The following GOLGA3 variants were observed in gnomAD, a reference collection of about 807,000 sequenced individuals.
GOLGA3 encodes golgin A3.
Under a neutral mutation model 169.4 loss-of-function variants are expected in GOLGA3, and 75 were observed. The ratio of observed to expected loss-of-function variants is 0.44; its 90% CI spans 0.37 to 0.54. The LOEUF (loss-of-function observed/expected upper bound fraction) is 0.54. GOLGA3 is among the 20% of genes least tolerant of loss of function. The pLI, the probability that GOLGA3 is intolerant of heterozygous loss-of-function variation, is 0.00. For synonymous variants in GOLGA3, 824 were observed against 822.4 expected (o/e 1.00, Z -0.03); for missense variants, 1,899 against 1,930.0 (o/e 0.98, Z 0.30).
rs776763544 is a variant in GOLGA3, at chr12:132,786,656, TGGCCCCCGCACCTCCCCCG to T, written c.2906+18_2906+36del. 3.0e-5 allele frequency: 17 copies of T among 564,690 alleles called. No homozygotes were observed. Among genetic ancestry groups the T allele is most frequent in the Middle Eastern group, 7.4e-4 (2 of 2,718 alleles). 35.0% of individuals were successfully genotyped at this position (564,690 alleles called of 1,614,324 possible). A position where few individuals can be genotyped will look rare whatever the true frequency, so the allele number is the denominator to read the frequency against. On this transcript the variant is annotated intron_variant, in intron 14 of 23. Transcript: ENST00000450791. ...CCCCCCGGCCCCCGCACCTCCCACCTGGCCCCCGCACCTCCCCCGGGCACATGCAGACTTACTTCCGGGC... is the reference window on the plus strand; with the variant it reads ...CCCCCCGGCCCCCGCACCTCCCACCTGGCACATGCAGACTTACTTCCGGGC...
chr12:132,773,012 C>T lies in GOLGA3; in HGVS notation c.*93G>A. 7 of 958,526 alleles carry T rather than the reference C, an allele frequency of 7.3e-6. No homozygotes were observed. Among genetic ancestry groups the T allele is most frequent in the Non-Finnish European group, 1.1e-5 (7 of 665,610 alleles). The allele number at this position is 958,526 out of a possible 1,614,324, so 59.4% of individuals were successfully genotyped here. A position where few individuals can be genotyped will look rare whatever the true frequency, so the allele number is the denominator to read the frequency against. ...TAAAGGCAAAACAAAACTTAAATTTCATGTCTTAGAAAAACATCGACCACA... is the reference window on the plus strand; with the variant it reads ...TAAAGGCAAAACAAAACTTAAATTTTATGTCTTAGAAAAACATCGACCACA... On this transcript the variant is annotated 3_prime_UTR_variant, in exon 24 of 24. Coordinates refer to ENST00000450791, the MANE Select transcript of GOLGA3 (RefSeq NM_001389683.1).
intron 7 of GOLGA3, among the ~76,000 whole-genome samples, chr12:132,803,056 AAAAAC>A (rs953503426): frequency 1.1e-4 from 16 of 142,938 alleles, no homozygotes; most frequent in Middle Eastern, 3.5e-3. Flanking sequence ...ACTCCGTCTC[AAAAAC>A]AAAACAAAAC....
chr12:132,826,277 TCACGGC>T lies in GOLGA3; in HGVS notation c.-184+2520_-184+2525del, dbSNP rs1406691171. 4.3e-5 allele frequency: 46 copies of T among 1,067,584 alleles called. 1 individual carries two copies. Among genetic ancestry groups the T allele is most frequent in the Middle Eastern group, 3.1e-4 (1 of 3,182 alleles). 66.1% of individuals were successfully genotyped at this position (1,067,584 alleles called of 1,614,324 possible). A position where few individuals can be genotyped will look rare whatever the true frequency, so the allele number is the denominator to read the frequency against. ...AAAAAAAGAAACTGGAAGAGCAGCA[TCACGGC>T]CACGGCCCAGACAGGCACCACCACC... is the stretch of plus-strand genomic sequence containing the variant. On this transcript the variant is annotated intron_variant, in intron 1 of 23. Coordinates refer to ENST00000450791, the MANE Select transcript of GOLGA3 (RefSeq NM_001389683.1).
In GOLGA3 at chr12:132,771,713, C is replaced by A. The variant is rs942956454; in HGVS notation, c.*1392G>T. ...GTACAGGTGCTCCTACACACGAGTA[C>A]AGGCGCTCCCACAGACAATGGTAAA... On this transcript the variant is annotated 3_prime_UTR_variant, in exon 24 of 24. Coordinates refer to ENST00000450791, the MANE Select transcript of GOLGA3 (RefSeq NM_001389683.1). 19 of 152,230 alleles carry A rather than the reference C, an allele frequency of 1.2e-4. No individual in the cohort carries two copies. Among genetic ancestry groups the A allele is most frequent in the African/African-American group, 4.6e-4 (19 of 41,440 alleles). The allele number at this position is 152,230 out of a possible 1,614,324, so 9.4% of individuals were successfully genotyped here.
intron 8 of GOLGA3, among the ~76,000 whole-genome samples, chr12:132,799,822 C>G (rs1949043143): frequency 6.6e-6 from 1 of 152,008 alleles, no homozygotes; most frequent in African/African-American, 2.4e-5. Flanking sequence ...CTCACTACAA[C>G]CTCTGCCTCC....
chr12:132,791,933 T>C (rs1312586274), intron 11 of GOLGA3, among the ~76,000 whole-genome samples: 1 of 119,334 alleles, frequency 8.4e-6, no homozygotes, highest in Non-Finnish European at 1.8e-5. Context: ...ATCTGCAGAG[T>C]TGTTACACTG....
chr12:132,814,590 T>C (rs1306450746), intron 3 of GOLGA3, among the ~76,000 whole-genome samples: 1 of 152,208 alleles, frequency 6.6e-6, no homozygotes, highest in East Asian at 1.9e-4. Flanking sequence ...GCACAGCTCA[T>C]CTCAGCTCCT....
intron 2 of GOLGA3, among the ~76,000 whole-genome samples, chr12:132,820,281 G>C (rs531056063): frequency 6.6e-6 from 1 of 152,052 alleles, no homozygotes; most frequent in Non-Finnish European, 1.5e-5. Flanking sequence ...CATGGCTGCC[G>C]TGAGCTATGA....
Position 132,774,321 on chromosome 12 carries a change from C to T in GOLGA3, c.4144-1G>A, listed in dbSNP as rs1229729761. ...TGGCCTCGCCTTTCGGCTCCTTTCT[C>T]TGTTTTTAAAAGCACATGATCAGCT... On this transcript the variant is annotated splice_acceptor_variant, in intron 22 of 23. Coordinates refer to ENST00000450791, the MANE Select transcript of GOLGA3 (RefSeq NM_001389683.1). LOFTEE classifies it high-confidence loss of function. 1.2e-6 allele frequency: 2 copies of T among 1,611,376 alleles called. No individual in the cohort carries two copies. Among genetic ancestry groups the T allele is most frequent in the Middle Eastern group, 1.7e-4 (1 of 6,052 alleles).
intron 10 of GOLGA3, 96 bp from the exon 11 acceptor site, chr12:132,796,316 C>A: frequency 7.1e-7 from 1 of 1,405,260 alleles, no homozygotes; most frequent in Non-Finnish European, 9.5e-7. Context: ...TTGATGGACA[C>A]TATGGAGGGT....
At chr12:132,807,344 C>A in intron 5 of GOLGA3, 56 bp from the exon 6 acceptor site, 1 of 901,024 alleles carries the variant, frequency 1.1e-6, no homozygotes, top group South Asian at 1.6e-5. Flanking sequence ...TTCTTTCACA[C>A]TCCTCCACAT....
chr12:132,789,234 C>T lies in GOLGA3; in HGVS notation c.2604G>A (p.Glu868=). The change falls in exon 13 of 24, where the codon GAG becomes GAA. Residue 868 remains glutamate, a synonymous_variant. Coordinates refer to ENST00000450791, the MANE Select transcript of GOLGA3 (RefSeq NM_001389683.1). ...DATSKDQLIS[E]LKATRKRLDS... ...CCAGCCTCTTCCTGGTGGCTTTCAG[C>T]TCACTGATGAGCTGGTCTTTGGAGG... 2.5e-6 allele frequency: 4 copies of T among 1,609,016 alleles called. No individual in the cohort carries two copies. The highest frequency in any genetic ancestry group is 3.4e-6 in the Non-Finnish European group (4 of 1,179,972).
chr12:132,782,836 C>T, intron 16 of GOLGA3, among the ~76,000 whole-genome samples: 1 of 151,106 alleles, frequency 6.6e-6, no homozygotes, highest in East Asian at 1.9e-4. Flanking sequence ...AGATTGTGCC[C>T]CTGCACTCCA....
At chr12:132,812,524 G>A (rs892680086) in intron 4 of GOLGA3, among the ~76,000 whole-genome samples, 26 of 152,248 alleles carry the variant, frequency 1.7e-4, no homozygotes, top group Admixed American at 1.2e-3. Context: ...ATTCATGGGT[G>A]GAGGGGTCAA....
In GOLGA3 at chr12:132,774,283, G is replaced by A; in HGVS notation, c.4181C>T (p.Pro1394Leu). ...EPKGEASSSNPATPIKIPDCP... is the reference protein window; with the variant it reads ...EPKGEASSSNLATPIKIPDCP... ...GTCCGGGATCTTGATGGGCGTGGCA[G>A]GGTTGGAAGAGCTGGCCTCGCCTTT... is the stretch of plus-strand genomic sequence containing the variant. Residue 1394 changes from proline to leucine, a missense_variant, in exon 23 of 24, where the codon CCT (proline) becomes CTT (leucine). Pro to Leu is a moderately conservative substitution (Grantham distance 98). Transcript: ENST00000450791. The A allele has an allele frequency of 6.2e-7, 1 of 1,612,764 alleles. No individual in the cohort carries two copies. The highest frequency in any genetic ancestry group is 8.5e-7 in the Non-Finnish European group (1 of 1,180,026).
chr12:132,812,447 G>A (rs2136665369), intron 4 of GOLGA3, among the ~76,000 whole-genome samples: 1 of 152,204 alleles, frequency 6.6e-6, no homozygotes, highest in East Asian at 1.9e-4. Flanking sequence ...TCATGGATCT[G>A]GGCAAAGTAA....
rs2044852967 is a variant in GOLGA3 at position 132,770,519 on chromosome 12, T to C, written c.*2586A>G. 2 of 152,046 alleles carry C rather than the reference T, an allele frequency of 1.3e-5. No homozygotes were observed. The allele number at this position is 152,046 out of a possible 1,614,324, so 9.4% of individuals were successfully genotyped here. A position where few individuals can be genotyped will look rare whatever the true frequency, so the allele number is the denominator to read the frequency against. ...TTTCCTTCGGTATTTTCAGAATTAG[T>C]CTGTCCTAAGAGAAAAAAAAATACA... On this transcript the variant is annotated 3_prime_UTR_variant, in exon 24 of 24. Transcript: ENST00000450791.
At position 132,784,313 on chromosome 12, in the gene GOLGA3, G is replaced by A. The variant is rs956787496; in HGVS notation, c.3124-6C>T. 6 of 1,602,682 alleles carry A rather than the reference G, an allele frequency of 3.7e-6. No individual in the cohort carries two copies. The highest frequency in any genetic ancestry group is 5.1e-6 in the Non-Finnish European group (6 of 1,177,368). Reference sequence around the variant, plus strand: ...TCCAGGGCCTGGATCCTTTCCTAAGGGCCAAGATGGAACGGGCGCTTGGTC... The same window carrying A: ...TCCAGGGCCTGGATCCTTTCCTAAGAGCCAAGATGGAACGGGCGCTTGGTC... On this transcript the variant is annotated splice_region_variant and splice_polypyrimidine_tract_variant and intron_variant, in intron 15 of 23. Transcript: ENST00000450791.
intron 1 of GOLGA3, chr12:132,827,732 G>A (rs1352870926): frequency 1.3e-5 from 2 of 152,052 alleles, no homozygotes; most frequent in African/African-American, 4.8e-5. Context: ...ATATTAAAGG[G>A]TTATAAAGCG....
Sources: allele counts gnomAD v4.1 joint callset (sites outside exome capture counted in the v4.1 genomes callset), GRCh38; gene constraint gnomAD v4.1.1; transcripts MANE v1.5; gene names NCBI Gene and HGNC (gene_info 2026-07-23, HGNC 2026-07-21).